SKIL: variants seen among roughly 807,000 people sequenced by gnomAD.
SKIL encodes SKI like proto-oncogene, also known as ski-like protein.
In SKIL, 20 loss-of-function variants were observed where a neutral mutation model predicts 69.6. The ratio of observed to expected loss-of-function variants is 0.29; its 90% CI spans 0.20 to 0.42. SKIL has a LOEUF of 0.42. SKIL is among the 10% of genes least tolerant of loss of function. The pLI, the probability that SKIL is intolerant of heterozygous loss-of-function variation, is 1.00. For synonymous variants in SKIL, 310 were observed against 279.9 expected (o/e 1.11, Z -1.08); for missense variants, 745 against 783.1 (o/e 0.95, Z 0.58).
In SKIL at chr3:170,360,573, A is replaced by T; in HGVS notation, c.242A>T (p.His81Leu). The part of the protein sequence containing the change: ...RTCTSVPETL[H>L]LNPSLKHTLA... ...TGTACTTCTGTTCCTGAAACTTTGC[A>T]TTTAAATCCCAGTTTGAAACACACA... is the stretch of plus-strand genomic sequence containing the variant. The change falls in exon 2 of 7, where the codon CAT becomes CTT. Residue 81 changes from histidine to leucine, a missense_variant. By Grantham distance (99) the His-to-Leu change is moderately conservative. Coordinates refer to ENST00000259119, the MANE Select transcript of SKIL (RefSeq NM_005414.5). 1 of 1,614,244 alleles carries T rather than the reference A, an allele frequency of 6.2e-7. No homozygotes were observed. The highest frequency in any genetic ancestry group is 2.2e-5 in the East Asian group (1 of 44,890).
At chr3:170,388,848 A>G (rs1056576385) in intron 4 of SKIL, among the ~76,000 whole-genome samples, 1 of 140,638 alleles carries the variant, frequency 7.1e-6, no homozygotes, top group Non-Finnish European at 1.5e-5. Context: ...ATTCCAAGAA[A>G]TATTTATTTA....
At chr3:170,362,401 C>G (rs1460852139) in intron 2 of SKIL, among the ~76,000 whole-genome samples, 2 of 151,962 alleles carry the variant, frequency 1.3e-5, no homozygotes, top group Non-Finnish European at 2.9e-5. Flanking sequence ...TACTCAGGAG[C>G]TGAGGCAGGA....
chr3:170,385,293 T>C (rs1304140961), intron 4 of SKIL, among the ~76,000 whole-genome samples: 1 of 149,990 alleles, frequency 6.7e-6, no homozygotes, highest in Non-Finnish European at 1.5e-5. Flanking sequence ...GGTCTTGGTA[T>C]GTTGCTCAAG....
At position 170,360,656 on chromosome 3, in the gene SKIL, G is replaced by T. The variant is rs762377614; in HGVS notation, c.325G>T (p.Ala109Ser). 1 of 1,614,044 alleles carries T rather than the reference G, an allele frequency of 6.2e-7. No homozygotes were observed. The highest frequency in any genetic ancestry group is 8.5e-7 in the Non-Finnish European group (1 of 1,180,044). Residue 109 changes from alanine (A) to serine (S), a missense_variant, in exon 2 of 7, where the codon GCT becomes TCT. Transcript: ENST00000259119. ...GCTGGGTGGACCAGCAGCATTTTCT[G>T]CTCGGCATTCCCAAGAAAGCATGTC... ...SSLGGPAAFS[A>S]RHSQESMSPT...
At chr3:170,364,404 A>G (rs577284968) in intron 2 of SKIL, among the ~76,000 whole-genome samples, 4 of 140,164 alleles carry the variant, frequency 2.9e-5, no homozygotes, top group African/African-American at 8.1e-5. Flanking sequence ...GTTCACTGCA[A>G]TCTCCACCTC....
chr3:170,362,465 G>T (rs923573262), intron 2 of SKIL, among the ~76,000 whole-genome samples: 2 of 151,754 alleles, frequency 1.3e-5, no homozygotes, highest in Non-Finnish European at 2.9e-5. Flanking sequence ...TTGTGCCATT[G>T]CGCTCCAGCG....
At chr3:170,382,042 A>T (rs1159597917) in intron 3 of SKIL, among the ~76,000 whole-genome samples, 1 of 152,056 alleles carries the variant, frequency 6.6e-6, no homozygotes, top group African/African-American at 2.4e-5. Flanking sequence ...AGATCGCGTC[A>T]TTGCACTCCA....
At position 170,373,884 on chromosome 3, in the gene SKIL, A is replaced by G. The variant is rs184793114; in HGVS notation, c.1099-7360A>G. ...CCAGAGCAAGACCCTGTCTCAAGGGAAAAAAAAAATGTCTAAGAATTTTAA... is the reference window on the plus strand; with the variant it reads ...CCAGAGCAAGACCCTGTCTCAAGGGGAAAAAAAAATGTCTAAGAATTTTAA... On this transcript the variant is annotated intron_variant, in intron 2 of 6. Transcript: ENST00000259119. Among the ~76,000 whole-genome samples, 524 of 150,728 alleles carry G rather than the reference A, an allele frequency of 3.5e-3. 4 individuals are homozygous for G. Among genetic ancestry groups the G allele is most frequent in the African/African-American group, 0.012 (498 of 41,188 alleles).
Position 170,360,462 on chromosome 3 carries a change from A to G in SKIL, c.131A>G (p.Asn44Ser). 4 of 1,614,064 alleles carry G rather than the reference A, an allele frequency of 2.5e-6. 1 individual carries two copies. The South Asian group carries it at 4.4e-5, about 18-fold the overall frequency. ...ATTCATGCAAATGGAAAAACGATAA[A>G]CAAGGTGCCAACAGTTAAGAAGGAA... ...TDIHANGKTI[N>S]KVPTVKKEHL... The change falls in exon 2 of 7, where the codon AAC becomes AGC. Residue 44 changes from asparagine to serine, a missense_variant. Transcript: ENST00000259119.
chr3:170,387,759 T>TAAAAAAA lies in SKIL; in HGVS notation c.1430-2455_1430-2449dup, dbSNP rs748924498. ...TAAAACGGTGAAACCCCGTCTCTAC[T>TAAAAAAA]AAAAAAAAAAAAAAATACAAAAAAA... On this transcript the variant is annotated intron_variant, in intron 4 of 6. Coordinates refer to ENST00000259119, the MANE Select transcript of SKIL (RefSeq NM_005414.5). Among the ~76,000 whole-genome samples, 34 of 57,670 alleles carry TAAAAAAA rather than the reference T, an allele frequency of 5.9e-4. 1 individual carries two copies. Among genetic ancestry groups the TAAAAAAA allele is most frequent in the African/African-American group, 9.2e-4 (20 of 21,676 alleles). 37.8% of individuals were successfully genotyped at this position (57,670 alleles called of 152,430 possible). A position where few individuals can be genotyped will look rare whatever the true frequency, so the allele number is the denominator to read the frequency against.
rs552558781 is a variant in SKIL at position 170,358,808 on chromosome 3, T to C, written c.-633-891T>C. On this transcript the variant is annotated intron_variant, in intron 1 of 6. Transcript: ENST00000259119. ...CCTTGTGCTTTTTGTCCCGGATTAG[T>C]CTTGTTGAAGGATGGAGATTCCCAG... Among the ~76,000 whole-genome samples the C allele has an allele frequency of 2.0e-5, 3 of 152,330 alleles. No individual in the cohort carries two copies. In the East Asian group the frequency reaches 5.8e-4, roughly 29 times the overall value.
intron 2 of SKIL, among the ~76,000 whole-genome samples, chr3:170,372,842 ATTTC>A (rs543624250): frequency 6.2e-4 from 95 of 152,260 alleles, no homozygotes; most frequent in Middle Eastern, 3.4e-3. Context: ...ATTATATTTT[ATTTC>A]TTGTGTAAAT....
rs1243954697 is a variant in SKIL, at chr3:170,391,183, T to A, written c.1819T>A (p.Leu607Met). 1 of 1,612,862 alleles carries A rather than the reference T, an allele frequency of 6.2e-7. No individual in the cohort carries two copies. Among genetic ancestry groups the A allele is most frequent in the Non-Finnish European group, 8.5e-7 (1 of 1,179,204 alleles). ...TGAACAGAAAGACTTAGAGAAAAAA[T>A]TGGAGCAGATAATGAAGCAAAAATG... ...YVEQKDLEKK[L>M]EQIMKQKCTC... is the part of the protein sequence containing the mutation. The change falls in exon 6 of 7, where the codon TTG becomes ATG. Residue 607 changes from leucine to methionine, a missense_variant. By Grantham distance (15) the Leu-to-Met change is conservative (BLOSUM62 2). Coordinates refer to ENST00000259119, the MANE Select transcript of SKIL (RefSeq NM_005414.5).
Position 170,383,028 on chromosome 3 carries a change from T to C in SKIL, c.1197-1505T>C, listed in dbSNP as rs553522074. Among the ~76,000 whole-genome samples, 6 of 152,306 alleles carry C rather than the reference T, an allele frequency of 3.9e-5. No individual in the cohort carries two copies. The East Asian group carries it at 1.2e-3, about 29-fold the overall frequency. ...AGTCACTGCACCCGGCCTGCAACTT[T>C]GATATTTTAAAAAGAAATTCTTTTG... On this transcript the variant is annotated intron_variant, in intron 3 of 6. Transcript: ENST00000259119.
rs972261084 is a variant in SKIL at position 170,360,090 on chromosome 3, C to T, written c.-242C>T. ...CAAAGGCATCCTCAGAGGTGTGCCT[C>T]TTTTCTTTATTATTAGAGGCAAAAC... On this transcript the variant is annotated 5_prime_UTR_variant, in exon 2 of 7. Coordinates refer to ENST00000259119, the MANE Select transcript of SKIL (RefSeq NM_005414.5). 3 of 401,710 alleles carry T rather than the reference C, an allele frequency of 7.5e-6. No homozygotes were observed. The highest frequency in any genetic ancestry group is 4.1e-5 in the African/African-American group (2 of 48,350). 24.9% of individuals were successfully genotyped at this position (401,710 alleles called of 1,614,324 possible).
intron 4 of SKIL, among the ~76,000 whole-genome samples, chr3:170,387,610 A>C (rs1010869812): frequency 1.3e-5 from 2 of 151,800 alleles, no homozygotes; most frequent in Non-Finnish European, 1.5e-5. Flanking sequence ...CATTGGGTCT[A>C]CTTTTTGGCA....
chr3:170,371,707 C>T (rs183039034), intron 2 of SKIL, among the ~76,000 whole-genome samples: 13 of 152,234 alleles, frequency 8.5e-5, no homozygotes, highest in East Asian at 1.9e-4. Context: ...TCCCAGTGAT[C>T]GTACTGGTAC....
chr3:170,361,871 C>T (rs1048926518), intron 2 of SKIL, among the ~76,000 whole-genome samples: 1 of 152,028 alleles, frequency 6.6e-6, no homozygotes, highest in Admixed American at 6.6e-5. Context: ...ATCCTTGAGC[C>T]CCTGTGTCCA....
intron 4 of SKIL, among the ~76,000 whole-genome samples, chr3:170,387,361 C>T (rs971934556): frequency 1.3e-5 from 2 of 152,114 alleles, no homozygotes; most frequent in Non-Finnish European, 2.9e-5. Flanking sequence ...AAGCCTCTGG[C>T]AACCACTAAT....
Sources: allele counts gnomAD v4.1 joint callset (sites outside exome capture counted in the v4.1 genomes callset), GRCh38; gene constraint gnomAD v4.1.1; transcripts MANE v1.5; gene names NCBI Gene and HGNC (gene_info 2026-07-23, HGNC 2026-07-21).